Variants in SP6 observed in about 807,000 individuals in gnomAD.
The protein encoded by SP6 is transcription factor Sp6.
SP6 carries 10 observed loss-of-function variants against 23.4 expected under a neutral mutation model. The ratio of observed to expected loss-of-function variants is 0.43; its 90% CI spans 0.26 to 0.72. The LOEUF (loss-of-function observed/expected upper bound fraction) is 0.72, where lower values mean the gene tolerates loss of function less well. Among genes scored for constraint, SP6 ranks in the 30% least tolerant of loss-of-function variants. The pLI is 0.23. For missense variants in SP6, 482 were observed against 523.8 expected, an observed-to-expected ratio of 0.92 and a Z score of 0.78; for synonymous variants, 238 against 238.7, an observed-to-expected ratio of 1.00 and a Z score of 0.03.
At chr17:47,872,983 A>T in the SP6 span, among the ~76,000 whole-genome samples, 1 of 150,878 alleles carries the variant, frequency 6.6e-6, no homozygotes, top group Non-Finnish European at 1.5e-5. Flanking sequence ...CAACATCTGA[A>T]CCCCCCTTCT....
At chr17:47,851,402 G>T (rs1298007627), upstream of SP6, among the ~76,000 whole-genome samples, 1 of 152,144 alleles carries the variant, frequency 6.6e-6, no homozygotes, top group Admixed American at 6.5e-5. Context: ...TGATTCCCAG[G>T]TTCTAAGACC....
chr17:47,862,339 G>T, the SP6 span, among the ~76,000 whole-genome samples: 1 of 105,648 alleles, frequency 9.5e-6, no homozygotes. Flanking sequence ...GCAAGACTAA[G>T]TCTCAAAAAA....
At chr17:47,857,023 G>A (rs2034002883), upstream of SP6, among the ~76,000 whole-genome samples, 2 of 152,030 alleles carry the variant, frequency 1.3e-5, no homozygotes, top group South Asian at 4.2e-4. Context: ...TTTCAGAGAT[G>A]AGAACACTGA....
chr17:47,852,033 C>T (rs2143657187), upstream of SP6, among the ~76,000 whole-genome samples: 1 of 152,208 alleles, frequency 6.6e-6, no homozygotes, highest in Admixed American at 6.5e-5. Flanking sequence ...CGCACACCCT[C>T]GCCCCCGAGC....
At chr17:47,868,632 G>A in the SP6 span, among the ~76,000 whole-genome samples, 5 of 152,054 alleles carry the variant, frequency 3.3e-5, no homozygotes, top group African/African-American at 7.3e-5. Flanking sequence ...TCCTAACCCC[G>A]ACCATCATGC....
chr17:47,866,348 T>C, the SP6 span, among the ~76,000 whole-genome samples: 1 of 151,620 alleles, frequency 6.6e-6, no homozygotes, highest in African/African-American at 2.4e-5. Context: ...TCAAGGAAGA[T>C]GTGAGGAGGG....
At position 47,847,419 on chromosome 17, in the gene SP6, C is replaced by G. The variant is rs777130141; in HGVS notation, c.1011G>C (p.Glu337Asp). The change falls in exon 2 of 2, where the codon GAG becomes GAC. Residue 337 changes from glutamate to aspartate, a missense_variant. Transcript: ENST00000536300. ...CCCCAGCCGCCTCCTCCTTGGCGCCCTCGTGGGTTTTCATGTGCTTGGCCA... is the reference window on the plus strand; with the variant it reads ...CCCCAGCCGCCTCCTCCTTGGCGCCGTCGTGGGTTTTCATGTGCTTGGCCA... Reference protein sequence around the residue: ...DHLAKHMKTHEGAKEEAAGAA... With the variant: ...DHLAKHMKTHDGAKEEAAGAA... The G allele has an allele frequency of 2.4e-5, 39 of 1,613,644 alleles. No homozygotes were observed. Among genetic ancestry groups the G allele is most frequent in the Non-Finnish European group, 3.2e-5 (38 of 1,179,898 alleles).
chr17:47,854,482 C>T (rs941029439), upstream of SP6, among the ~76,000 whole-genome samples: 5 of 152,184 alleles, frequency 3.3e-5, no homozygotes, highest in African/African-American at 1.2e-4. Context: ...GCCTACTAGT[C>T]CATCTGGCCT....
At chr17:47,854,377 A>G (rs2033983430), upstream of SP6, among the ~76,000 whole-genome samples, 1 of 152,256 alleles carries the variant, frequency 6.6e-6, no homozygotes, top group Admixed American at 6.5e-5. Flanking sequence ...GCCAAAGATC[A>G]AAGAAGTTAA....
the SP6 span, among the ~76,000 whole-genome samples, chr17:47,868,197 C>T: frequency 6.6e-6 from 1 of 152,196 alleles, no homozygotes; most frequent in Non-Finnish European, 1.5e-5. Context: ...CCCAAACACT[C>T]CCGGGATCCC....
the SP6 span, among the ~76,000 whole-genome samples, chr17:47,871,961 G>T: frequency 1.3e-5 from 2 of 152,152 alleles, no homozygotes; most frequent in Non-Finnish European, 2.9e-5. Flanking sequence ...TCTTTCTTGG[G>T]ATCCCCTCTC....
chr17:47,863,567 CTTTTTTTT>C, the SP6 span: 1 of 109,838 alleles, frequency 9.1e-6, no homozygotes, highest in African/African-American at 3.3e-5. Flanking sequence ...ACTTCTTCTT[CTTTTTTTT>C]TTTTTTTTTT....
chr17:47,866,509 GC>G, the SP6 span, among the ~76,000 whole-genome samples: 1 of 152,206 alleles, frequency 6.6e-6, no homozygotes, highest in Non-Finnish European at 1.5e-5. Flanking sequence ...AAATGGGAGG[GC>G]CAAATACAAA....
At chr17:47,858,078 TC>T (rs2034011214), upstream of SP6, among the ~76,000 whole-genome samples, 1 of 152,044 alleles carries the variant, frequency 6.6e-6, no homozygotes. Context: ...TCCTCTGCCC[TC>T]GCCTCTCGGT....
chr17:47,868,626 A>C, the SP6 span, among the ~76,000 whole-genome samples: 5 of 152,128 alleles, frequency 3.3e-5, no homozygotes, highest in Admixed American at 3.3e-4. Flanking sequence ...AGACCCTCCT[A>C]ACCCCGACCA....
intron 1 of SP6, among the ~76,000 whole-genome samples, chr17:47,849,509 T>G (rs1020772722): frequency 6.6e-6 from 1 of 152,218 alleles, no homozygotes; most frequent in African/African-American, 2.4e-5. Flanking sequence ...GGATCATTTT[T>G]CAGAAGCTCC....
upstream of SP6, among the ~76,000 whole-genome samples, chr17:47,860,700 CAAAAA>C (rs57640996): frequency 1.8e-5 from 2 of 109,422 alleles, no homozygotes; most frequent in African/African-American, 3.7e-5. Context: ...TCCGACTCTA[CAAAAA>C]AAAAAAAAAA....
chr17:47,850,766 C>T (rs1230051023), intron 1 of SP6, among the ~76,000 whole-genome samples, 153 bp downstream of exon 1: 4 of 152,210 alleles, frequency 2.6e-5, no homozygotes, highest in Non-Finnish European at 5.9e-5. Flanking sequence ...CTCCCGTCCG[C>T]CCAGTTTTCC....
the SP6 span, among the ~76,000 whole-genome samples, chr17:47,869,924 A>G: frequency 3.3e-5 from 5 of 152,256 alleles, no homozygotes; most frequent in African/African-American, 9.6e-5. Context: ...ACATTTTTAC[A>G]TATCAAGCCA....
Sources: allele counts gnomAD v4.1 joint callset (sites outside exome capture counted in the v4.1 genomes callset), GRCh38; gene constraint gnomAD v4.1.1; transcripts MANE v1.5; gene names NCBI Gene and HGNC (gene_info 2026-07-23, HGNC 2026-07-21).